GXYLT1: variants seen among roughly 807,000 people sequenced by gnomAD.
GXYLT1 encodes glycosyltransferase 8 domain containing 3.
Under a neutral mutation model 54.0 loss-of-function variants are expected in GXYLT1, and 29 were observed. The observed-to-expected ratio is 0.54, with a 90% CI of 0.40 to 0.73. The LOEUF (loss-of-function observed/expected upper bound fraction) is 0.73, where lower values mean the gene tolerates loss of function less well. Among genes scored for constraint, GXYLT1 ranks in the 30% least tolerant of loss-of-function variants. The pLI, the probability that GXYLT1 is intolerant of heterozygous loss-of-function variation, is 0.00. For synonymous variants in GXYLT1, 176 were observed against 204.1 expected (o/e 0.86, Z 1.17); for missense variants, 490 against 553.4 (o/e 0.89, Z 1.15).
intron 4 of GXYLT1, 79 bp from the exon 5 acceptor site, chr12:42,106,148 A>T (rs1318518323): frequency 5.2e-6 from 5 of 952,742 alleles, no homozygotes; most frequent in Non-Finnish European, 8.1e-6. Context: ...ATTGTGTAAG[A>T]TACACCTAAG....
At chr12:42,128,972 A>G (rs1355672610) in intron 2 of GXYLT1, among the ~76,000 whole-genome samples, 1 of 152,092 alleles carries the variant, frequency 6.6e-6, no homozygotes, top group Non-Finnish European at 1.5e-5. Context: ...CACCATACCC[A>G]ACCTAGACTA....
intron 2 of GXYLT1, among the ~76,000 whole-genome samples, chr12:42,125,567 G>A (rs2065555897): frequency 6.6e-6 from 1 of 152,160 alleles, no homozygotes; most frequent in African/African-American, 2.4e-5. Flanking sequence ...AAAAGCCAGA[G>A]GCTAACAGAG....
At chr12:42,129,531 C>T (rs975279382) in intron 2 of GXYLT1, among the ~76,000 whole-genome samples, 1 of 152,074 alleles carries the variant, frequency 6.6e-6, no homozygotes, top group African/African-American at 2.4e-5. Context: ...CTCTTAAGAA[C>T]AGTGGTTTGT....
chr12:42,087,991 A>G lies in GXYLT1; in HGVS notation c.1162-44T>C, dbSNP rs761317050. ...AAAAAATAAAAAATTTAAAAGGCAA[A>G]GGTACATATGTAAGTTCAATTATTT... On this transcript the variant is annotated intron_variant, in intron 7 of 7. Transcript: ENST00000398675. The G allele has an allele frequency of 7.7e-6, 8 of 1,032,878 alleles. No homozygotes were observed. In the South Asian group the frequency reaches 1.4e-4, roughly 18 times the overall value. The allele number at this position is 1,032,878 out of a possible 1,614,324, so 64.0% of individuals were successfully genotyped here.
chr12:42,122,983 CTAATAA>C (rs147283721), intron 2 of GXYLT1, among the ~76,000 whole-genome samples: 2,989 of 152,184 alleles, frequency 0.02, 110 homozygotes, highest in African/African-American at 0.068. Flanking sequence ...AATCCTGAAT[CTAATAA>C]TAAGTAGACA....
intron 1 of GXYLT1, among the ~76,000 whole-genome samples, chr12:42,141,600 ATT>A (rs1054636950): frequency 1.1e-4 from 16 of 152,270 alleles, no homozygotes; most frequent in African/African-American, 3.1e-4. Context: ...AACTGTGATC[ATT>A]TCTCAATGTA....
At chr12:42,113,133 A>G (rs1031333485) in intron 3 of GXYLT1, among the ~76,000 whole-genome samples, 12 of 151,162 alleles carry the variant, frequency 7.9e-5, no homozygotes, top group Admixed American at 1.3e-4. Context: ...TGAAGGAAGC[A>G]CTAAACATGG....
intron 5 of GXYLT1, among the ~76,000 whole-genome samples, chr12:42,099,088 T>C (rs1300708636): frequency 2.0e-5 from 3 of 152,094 alleles, no homozygotes; most frequent in Non-Finnish European, 4.4e-5. Context: ...AAGACTGCAC[T>C]CCAAGAAAGA....
rs775583930 is a variant in GXYLT1, at chr12:42,140,011, C to T, written c.221+4415G>A. Reference sequence around the variant, plus strand: ...CCTGGCTAACATGGTGAAACGCCGTCTCTACTAAAAATACAAAAAATTAGC... The same window carrying T: ...CCTGGCTAACATGGTGAAACGCCGTTTCTACTAAAAATACAAAAAATTAGC... On this transcript the variant is annotated intron_variant, in intron 1 of 7. Transcript: ENST00000398675. Among the ~76,000 whole-genome samples the T allele has an allele frequency of 4.0e-5, 6 of 151,858 alleles. No individual in the cohort carries two copies. The East Asian group carries it at 9.7e-4, about 25-fold the overall frequency.
rs956262252 is a variant in GXYLT1 at position 42,086,550 on chromosome 12, T to G, written c.*1236A>C. ...GTAAAATAAGATATGTGCCCCAGCA[T>G]AGTATATGCTAAGTATTCAGAATCT... is the stretch of plus-strand genomic sequence containing the variant. On this transcript the variant is annotated 3_prime_UTR_variant, in exon 8 of 8. Coordinates refer to ENST00000398675, the MANE Select transcript of GXYLT1 (RefSeq NM_173601.2). 1 of 150,858 alleles carries G rather than the reference T, an allele frequency of 6.6e-6. No homozygotes were observed. The highest frequency in any genetic ancestry group is 1.5e-5 in the Non-Finnish European group (1 of 67,600). The allele number at this position is 150,858 out of a possible 1,614,324, so 9.3% of individuals were successfully genotyped here.
intron 5 of GXYLT1, among the ~76,000 whole-genome samples, chr12:42,099,402 ATAG>A (rs1409990997): frequency 6.6e-6 from 1 of 152,148 alleles, no homozygotes; most frequent in Non-Finnish European, 1.5e-5. Flanking sequence ...CTTAATGTTT[ATAG>A]TAGTTTTAAT....
chr12:42,105,019 A>G (rs1311643258), intron 5 of GXYLT1, among the ~76,000 whole-genome samples: 1 of 152,202 alleles, frequency 6.6e-6, no homozygotes, highest in Non-Finnish European at 1.5e-5. Context: ...TCTGTTTATT[A>G]TCTTATTCAG....
At chr12:42,124,526 C>A (rs1688854) in intron 2 of GXYLT1, among the ~76,000 whole-genome samples, 117,204 of 152,040 alleles carry the variant, frequency 0.77, 45,519 homozygotes, top group African/African-American at 0.85. Context: ...AAAAAGCTAA[C>A]TAAATGTGGA....
In GXYLT1 at chr12:42,109,522, T is replaced by TAA. The variant is rs1351287003; in HGVS notation, c.612+43_612+44insTT. 5 of 1,301,450 alleles carry TAA rather than the reference T, an allele frequency of 3.8e-6. No individual in the cohort carries two copies. In the South Asian group the frequency reaches 5.9e-5, roughly 15 times the overall value. 80.6% of individuals were successfully genotyped at this position (1,301,450 alleles called of 1,614,324 possible). A position where few individuals can be genotyped will look rare whatever the true frequency, so the allele number is the denominator to read the frequency against. ...TCATGTGTAAAAGTAAGGTTCAAAT[T>TAA]TAAAAAAAAAAAAAAAAAAAAGACA... On this transcript the variant is annotated intron_variant, in intron 4 of 7. Transcript: ENST00000398675.
At chr12:42,117,782 G>C (rs1175976082) in intron 3 of GXYLT1, among the ~76,000 whole-genome samples, 1 of 152,132 alleles carries the variant, frequency 6.6e-6, no homozygotes, top group Non-Finnish European at 1.5e-5. Flanking sequence ...TTTTGTTGTT[G>C]TTGTTGTTAA....
intron 7 of GXYLT1, among the ~76,000 whole-genome samples, chr12:42,096,446 C>T (rs1462712445): frequency 6.6e-6 from 1 of 152,106 alleles, no homozygotes; most frequent in Non-Finnish European, 1.5e-5. Flanking sequence ...ATACCTGGAA[C>T]AACTTTAGCA....
At chr12:42,144,106 C>T (rs1234321345) in intron 1 of GXYLT1, among the ~76,000 whole-genome samples, 1 of 152,198 alleles carries the variant, frequency 6.6e-6, no homozygotes, top group Non-Finnish European at 1.5e-5. Flanking sequence ...TCTCACTAGC[C>T]AGGCAGCAGT....
chr12:42,109,703 T>TA lies in GXYLT1; in HGVS notation c.487-13dup, dbSNP rs71084614. 5 of 1,392,162 alleles carry TA rather than the reference T, an allele frequency of 3.6e-6. No individual in the cohort carries two copies. The highest frequency in any genetic ancestry group is 4.9e-6 in the Non-Finnish European group (5 of 1,016,300). The allele number at this position is 1,392,162 out of a possible 1,614,324, so 86.2% of individuals were successfully genotyped here. ...GACCAGTTGTCAAGCTAAAACAATT[T>TA]AAAAAAAAACTGTTTAGTTTCACTC... On this transcript the variant is annotated splice_polypyrimidine_tract_variant and intron_variant, in intron 3 of 7. Transcript: ENST00000398675.
intron 7 of GXYLT1, among the ~76,000 whole-genome samples, chr12:42,097,155 CCTTATT>C (rs1360505403): frequency 4.0e-5 from 6 of 151,692 alleles, no homozygotes; most frequent in Admixed American, 3.3e-4. Context: ...AAAAGAGCGT[CCTTATT>C]CTTAGTTTAA....
Sources: allele counts gnomAD v4.1 joint callset (sites outside exome capture counted in the v4.1 genomes callset), GRCh38; gene constraint gnomAD v4.1.1; transcripts MANE v1.5; gene names NCBI Gene and HGNC (gene_info 2026-07-23, HGNC 2026-07-21).